The following RALYL variants were observed in gnomAD, a reference collection of about 807,000 sequenced individuals.
The protein encoded by RALYL is RNA-binding Raly-like protein.
RALYL carries 29 observed loss-of-function variants against 35.1 expected under a neutral mutation model. The observed-to-expected ratio is 0.83, with a 90% CI of 0.61 to 1.13. The LOEUF is 1.13. Among genes scored for constraint, RALYL ranks in the 50% most tolerant of loss-of-function variants. The probability of loss-of-function intolerance (pLI) is 0.00; values close to 1 mark genes in which losing one functional copy is unlikely to be tolerated. For synonymous variants in RALYL, 120 were observed against 127.6 expected (o/e 0.94, Z 0.40); for missense variants, 359 against 360.4 (o/e 1.00, Z 0.03).
At chr8:84,322,255 A>G (rs1845000909) in intron 1 of RALYL, among the ~76,000 whole-genome samples, 1 of 152,142 alleles carries the variant, frequency 6.6e-6, no homozygotes, top group African/African-American at 2.4e-5. Context: ...AAAGTAGATC[A>G]TATTCTGTGC....
intron 1 of RALYL, among the ~76,000 whole-genome samples, chr8:84,250,638 T>G (rs1333902826): frequency 6.6e-6 from 1 of 152,162 alleles, no homozygotes; most frequent in Non-Finnish European, 1.5e-5. Flanking sequence ...TAGAAGAAAA[T>G]GAAAGCAAAT....
intron 1 of RALYL, among the ~76,000 whole-genome samples, chr8:84,414,452 G>A (rs2044415646): frequency 6.6e-6 from 1 of 152,144 alleles, no homozygotes; most frequent in Non-Finnish European, 1.5e-5. Context: ...AATGGCAGGT[G>A]AAGGGAATTA....
intron 1 of RALYL, among the ~76,000 whole-genome samples, chr8:84,270,589 T>C (rs1367638653): frequency 1.3e-5 from 2 of 151,910 alleles, no homozygotes; most frequent in African/African-American, 2.4e-5. Flanking sequence ...TGTGTATGTA[T>C]GTATAATTTT....
intron 4 of RALYL, among the ~76,000 whole-genome samples, chr8:84,849,212 T>C (rs1329641052): frequency 2.0e-5 from 3 of 152,200 alleles, no homozygotes; most frequent in Non-Finnish European, 4.4e-5. Flanking sequence ...CATTTACTAA[T>C]TCATATTTAA....
At chr8:84,540,928 A>G (rs765377947) in intron 2 of RALYL, among the ~76,000 whole-genome samples, 7 of 152,040 alleles carry the variant, frequency 4.6e-5, no homozygotes, top group Middle Eastern at 3.2e-3. Context: ...GATACACATT[A>G]TCAAATATAT....
At chr8:84,675,322 G>A (rs924872392) in intron 2 of RALYL, among the ~76,000 whole-genome samples, 7 of 152,160 alleles carry the variant, frequency 4.6e-5, no homozygotes, top group Admixed American at 3.3e-4. Flanking sequence ...TCAAAAGTAT[G>A]TATTAAGGTA....
At chr8:84,681,363 G>A (rs1447754275) in intron 2 of RALYL, among the ~76,000 whole-genome samples, 1 of 152,180 alleles carries the variant, frequency 6.6e-6, no homozygotes, top group Non-Finnish European at 1.5e-5. Flanking sequence ...GAACATTAAA[G>A]TAGTTTTTTC....
chr8:84,719,015 T>C (rs1403328646), intron 2 of RALYL, among the ~76,000 whole-genome samples: 2 of 152,186 alleles, frequency 1.3e-5, no homozygotes, highest in South Asian at 2.1e-4. Context: ...TAATTCCTAC[T>C]CATCCTTCAG....
intron 7 of RALYL, among the ~76,000 whole-genome samples, chr8:84,884,912 T>C (rs370510140): frequency 4.0e-4 from 61 of 152,186 alleles, no homozygotes; most frequent in African/African-American, 1.4e-3. Flanking sequence ...GTGAGCGGTT[T>C]AGATGATGTG....
intron 8 of RALYL, among the ~76,000 whole-genome samples, chr8:84,905,122 C>T (rs1360937210): frequency 6.6e-6 from 1 of 152,152 alleles, no homozygotes. Flanking sequence ...TGGTAACTAC[C>T]ATTTCACTCT....
At chr8:84,504,972 G>A (rs1333177575) in intron 1 of RALYL, among the ~76,000 whole-genome samples, 5 of 152,090 alleles carry the variant, frequency 3.3e-5, no homozygotes, top group Non-Finnish European at 7.4e-5. Context: ...CACCAATGGG[G>A]AAGAATTTAA....
intron 1 of RALYL, among the ~76,000 whole-genome samples, chr8:84,226,193 G>T (rs1421069765): frequency 6.6e-6 from 1 of 152,130 alleles, no homozygotes; most frequent in East Asian, 1.9e-4. Flanking sequence ...AACGGATCTA[G>T]GTTGCATGCT....
chr8:84,845,537 T>G (rs1216667227), intron 4 of RALYL, among the ~76,000 whole-genome samples: 4 of 152,166 alleles, frequency 2.6e-5, no homozygotes, highest in African/African-American at 9.7e-5. Context: ...GCTTGAAAAT[T>G]TATTTAAGTT....
chr8:84,602,652 C>T (rs1274000704), intron 2 of RALYL, among the ~76,000 whole-genome samples: 4 of 152,114 alleles, frequency 2.6e-5, no homozygotes, highest in Non-Finnish European at 5.9e-5. Flanking sequence ...TATCTAATCT[C>T]TTCTGTATCT....
chr8:84,872,367 A>G (rs781210477), intron 6 of RALYL: 4 of 152,206 alleles, frequency 2.6e-5, no homozygotes, highest in Non-Finnish European at 4.4e-5. Flanking sequence ...AGAAGTTGAT[A>G]AAATTGAAAT....
In RALYL at chr8:84,722,617, TTATA is replaced by T. The variant is rs71823678; in HGVS notation, c.257-51934_257-51931del. On this transcript the variant is annotated intron_variant, in intron 2 of 8. Transcript: ENST00000521268. ...AGGTCAGTATATTCCTAGAGTGATT[TTATA>T]TATATATATATATATATATATATAT... Among the ~76,000 whole-genome samples the T allele has an allele frequency of 7.5e-4, 73 of 97,358 alleles. 1 individual carries two copies. In the Middle Eastern group the frequency reaches 0.022, roughly 29 times the overall value. The allele number at this position is 97,358 out of a possible 152,430, so 63.9% of individuals were successfully genotyped here.
At chr8:84,307,104 C>T (rs1341945255) in intron 1 of RALYL, among the ~76,000 whole-genome samples, 2 of 152,050 alleles carry the variant, frequency 1.3e-5, no homozygotes, top group Non-Finnish European at 2.9e-5. Flanking sequence ...ACACTGTCAG[C>T]TAAGGTGATG....
chr8:84,599,681 T>C (rs1356568001), intron 2 of RALYL, among the ~76,000 whole-genome samples: 5 of 152,174 alleles, frequency 3.3e-5, no homozygotes, highest in African/African-American at 1.2e-4. Context: ...ATTCTTTAAG[T>C]GTTTTATCAT....
chr8:84,429,679 T>C (rs963575120), intron 1 of RALYL, among the ~76,000 whole-genome samples: 4 of 152,122 alleles, frequency 2.6e-5, no homozygotes, highest in Non-Finnish European at 5.9e-5. Context: ...ACTGTCACAC[T>C]GTAAGCATTC....
Sources: allele counts gnomAD v4.1 joint callset (sites outside exome capture counted in the v4.1 genomes callset), GRCh38; gene constraint gnomAD v4.1.1; transcripts MANE v1.5; gene names NCBI Gene and HGNC (gene_info 2026-07-23, HGNC 2026-07-21).